The following CDYL variants were observed in gnomAD, a reference collection of about 807,000 sequenced individuals.
CDYL encodes the protein chromodomain Y like.
Under a neutral mutation model 47.3 loss-of-function variants are expected in CDYL, and 8 were observed. The observed-to-expected ratio is 0.17, with a 90% CI of 0.10 to 0.31. The LOEUF (loss-of-function observed/expected upper bound fraction) is 0.31. CDYL is among the 10% of genes least tolerant of loss of function. CDYL has a pLI of 1.00. For synonymous variants in CDYL, 266 were observed against 265.0 expected, an observed-to-expected ratio of 1.00 and a Z score of -0.04; for missense variants, 471 against 701.4, an observed-to-expected ratio of 0.67 and a Z score of 3.71.
intron 1 of CDYL, among the ~76,000 whole-genome samples, chr6:4,709,599 G>A (rs768330108): frequency 1.3e-5 from 2 of 152,152 alleles, no homozygotes; most frequent in African/African-American, 2.4e-5. Flanking sequence ...GCTTCAAACT[G>A]CAGCTAAGTG....
chr6:4,725,935 A>G (rs1018626971), intron 2 of CDYL, among the ~76,000 whole-genome samples: 2 of 151,864 alleles, frequency 1.3e-5, no homozygotes, highest in African/African-American at 4.9e-5. Flanking sequence ...AGCCAAAAAC[A>G]AAAGAGCAAA....
chr6:4,819,162 C>CTCTCTCTCTCTGTGTGTG (rs1016051589), intron 1 of CDYL, among the ~76,000 whole-genome samples: 11 of 111,998 alleles, frequency 9.8e-5, no homozygotes, highest in African/African-American at 5.3e-4. Flanking sequence ...CTCTCTCTCT[C>CTCTCTCTCTCTGTGTGTG]TGTGTGTGTG....
rs563263478 is a variant in CDYL, at chr6:4,850,467, T to C, written c.25-41246T>C. On this transcript the variant is annotated intron_variant, in intron 1 of 6. Transcript: ENST00000397588. Reference sequence around the variant, plus strand: ...TGGTAGGGAACTCACAGTGGTTTTATTTTCCTATTACTTACTCTTGGGGCT... The same window carrying C: ...TGGTAGGGAACTCACAGTGGTTTTACTTTCCTATTACTTACTCTTGGGGCT... 2.6e-3 allele frequency among the ~76,000 whole-genome samples: 391 copies of C among 151,978 alleles called. 4 individuals carry two copies. The highest frequency in any genetic ancestry group is 8.6e-3 in the African/African-American group (354 of 41,216).
At chr6:4,729,349 A>G (rs1757566583) in intron 2 of CDYL, among the ~76,000 whole-genome samples, 1 of 152,122 alleles carries the variant, frequency 6.6e-6, no homozygotes, top group Non-Finnish European at 1.5e-5. Context: ...TTGCGTGCAT[A>G]TACACACACC....
chr6:4,939,749 C>T (rs191227669), intron 4 of CDYL, among the ~76,000 whole-genome samples: 20 of 152,354 alleles, frequency 1.3e-4, no homozygotes, highest in Non-Finnish European at 2.6e-4. Flanking sequence ...TCATTATTAT[C>T]CATTCAGGGT....
chr6:4,776,631 G>C lies in CDYL; in HGVS notation c.-153G>C, dbSNP rs1337680151. The C allele has an allele frequency of 2.2e-6, 1 of 461,278 alleles. No individual in the cohort carries two copies. Among genetic ancestry groups the C allele is most frequent in the Non-Finnish European group, 3.1e-6 (1 of 317,686 alleles). 28.6% of individuals were successfully genotyped at this position (461,278 alleles called of 1,614,324 possible). On this transcript the variant is annotated 5_prime_UTR_variant, in exon 1 of 7. Transcript: ENST00000397588. ...GCGCCGCCGGCCCGCACTGGCCGCGGAGTGCAAGAGGCTCGTCCGTGCCCA... is the reference window on the plus strand; with the variant it reads ...GCGCCGCCGGCCCGCACTGGCCGCGCAGTGCAAGAGGCTCGTCCGTGCCCA...
At chr6:4,945,766 G>A (rs1418380056) in intron 5 of CDYL, among the ~76,000 whole-genome samples, 1 of 152,238 alleles carries the variant, frequency 6.6e-6, no homozygotes, top group Admixed American at 6.5e-5. Context: ...TACCAGGCTG[G>A]CGGCTGTGGC....
chr6:4,815,336 A>G (rs1009322116), intron 1 of CDYL, among the ~76,000 whole-genome samples: 6 of 152,194 alleles, frequency 3.9e-5, no homozygotes, highest in African/African-American at 1.4e-4. Flanking sequence ...ACTTAAGAAT[A>G]TTTTGTATGT....
chr6:4,790,200 T>C (rs1758881378), intron 1 of CDYL, among the ~76,000 whole-genome samples: 1 of 152,240 alleles, frequency 6.6e-6, no homozygotes, highest in Non-Finnish European at 1.5e-5. Context: ...GGTGGTGGTA[T>C]TTGAAAGCCT....
chr6:4,764,858 C>T (rs1758228073), intron 3 of CDYL, among the ~76,000 whole-genome samples: 1 of 145,044 alleles, frequency 6.9e-6, no homozygotes, highest in African/African-American at 2.8e-5. Flanking sequence ...ATTAAACACA[C>T]ACACATATAT....
At chr6:4,903,234 C>T (rs1049251637) in intron 2 of CDYL, among the ~76,000 whole-genome samples, 2 of 152,200 alleles carry the variant, frequency 1.3e-5, no homozygotes, top group African/African-American at 2.4e-5. Context: ...CAGGCCTGTG[C>T]TCCTGCGCCA....
At chr6:4,912,832 G>A (rs1757451594) in intron 2 of CDYL, among the ~76,000 whole-genome samples, 1 of 152,130 alleles carries the variant, frequency 6.6e-6, no homozygotes, top group South Asian at 2.1e-4. Flanking sequence ...TTCTTATGAA[G>A]CCACCAGTCG....
intron 1 of CDYL, among the ~76,000 whole-genome samples, chr6:4,789,119 A>G (rs1758846324): frequency 6.6e-6 from 1 of 152,144 alleles, no homozygotes; most frequent in Non-Finnish European, 1.5e-5. Flanking sequence ...TCTGTTGCCC[A>G]GGCTGGAGTG....
intron 1 of CDYL, among the ~76,000 whole-genome samples, chr6:4,710,379 G>GGGAGGGAAGGAAGGAAGGAAGGGAGGAA (rs1554130869): frequency 9.9e-6 from 1 of 101,162 alleles, no homozygotes; most frequent in Admixed American, 1.2e-4. Flanking sequence ...GAGGGAGGGA[G>GGGAGGGAAGGAAGGAAGGAAGGGAGGAA]GGAAGGAAGG....
At chr6:4,774,694 T>C (rs552196454), upstream of CDYL, 1 of 152,296 alleles carries the variant, frequency 6.6e-6, no homozygotes, top group African/African-American at 2.4e-5. Context: ...AGCGTCAAAT[T>C]TGAAGATGAA....
At chr6:4,747,080 G>A (rs902416466) in intron 3 of CDYL, among the ~76,000 whole-genome samples, 25 of 152,068 alleles carry the variant, frequency 1.6e-4, no homozygotes, top group South Asian at 2.1e-4. Flanking sequence ...AGGTCGAGGC[G>A]GGCCGATCAT....
chr6:4,803,044 G>GT (rs1335553389), intron 1 of CDYL, among the ~76,000 whole-genome samples: 4 of 152,166 alleles, frequency 2.6e-5, no homozygotes, highest in African/African-American at 9.7e-5. Context: ...GTTCCCAGCA[G>GT]TTTTTCTTAG....
At chr6:4,821,190 C>T (rs1245224968) in intron 1 of CDYL, among the ~76,000 whole-genome samples, 3 of 149,968 alleles carry the variant, frequency 2.0e-5, no homozygotes, top group Non-Finnish European at 2.9e-5. Context: ...AGGAGAACAG[C>T]TCTCTGAAGA....
chr6:4,727,900 T>TG (rs1757543913), intron 2 of CDYL, among the ~76,000 whole-genome samples: 1 of 152,132 alleles, frequency 6.6e-6, no homozygotes, highest in Non-Finnish European at 1.5e-5. Flanking sequence ...GTTTCAGTCT[T>TG]GCTGGCTCTT....
Sources: gnomAD v4.1 joint callset for allele counts (sites outside exome capture counted in the v4.1 genomes callset) on GRCh38, gnomAD v4.1.1 for gene constraint, MANE v1.5 for transcripts, NCBI Gene and HGNC (gene_info 2026-07-23, HGNC 2026-07-21) for gene names.